Variants in EPM2A observed in about 807,000 individuals in gnomAD.
EPM2A encodes laforin.
EPM2A carries 21 observed loss-of-function variants against 26.5 expected under a neutral mutation model. The observed-to-expected ratio is 0.79, with a 90% CI of 0.56 to 1.14. The LOEUF (loss-of-function observed/expected upper bound fraction) is 1.14, where lower values mean the gene tolerates loss of function less well. Ranked by LOEUF, EPM2A falls within the 50% of genes most tolerant of loss-of-function variation. The pLI is 0.00. For missense variants in EPM2A, 458 were observed against 440.8 expected (o/e 1.04, Z -0.35); for synonymous variants, 217 against 177.6 (o/e 1.22, Z -1.76).
chr6:145,585,707 T>G (rs1182442519), intron 2 of EPM2A, among the ~76,000 whole-genome samples: 1 of 152,190 alleles, frequency 6.6e-6, no homozygotes, highest in African/African-American at 2.4e-5. Flanking sequence ...ATTTTATCTC[T>G]TTGGGTGCCA....
intron 4 of EPM2A, among the ~76,000 whole-genome samples, chr6:145,452,492 A>C (rs1237669197): frequency 1.1e-4 from 1 of 9,272 alleles, no homozygotes. Flanking sequence ...AAAAATACAA[A>C]AAAAAAAAAA....
intron 2 of EPM2A, among the ~76,000 whole-genome samples, chr6:145,675,938 G>T (rs1780001478): frequency 6.6e-6 from 1 of 152,144 alleles, no homozygotes; most frequent in Non-Finnish European, 1.5e-5. Context: ...AGACCTAATA[G>T]ACATCTACAG....
intron 2 of EPM2A, among the ~76,000 whole-genome samples, chr6:145,508,704 C>T (rs903206083): frequency 7.9e-5 from 12 of 152,166 alleles, no homozygotes; most frequent in Non-Finnish European, 1.8e-4. Flanking sequence ...GTTTTTTCAC[C>T]TCCAAAGGAT....
At chr6:145,442,934 C>T (rs1187938652) in intron 4 of EPM2A, among the ~76,000 whole-genome samples, 2 of 151,834 alleles carry the variant, frequency 1.3e-5, no homozygotes, top group South Asian at 4.2e-4. Context: ...CATCTCTGCT[C>T]ACTGCAAGCT....
rs553139522 is a variant in EPM2A at position 145,626,175 on chromosome 6, T to G, written c.*1241A>C. 1.0e-6 allele frequency: 1 copy of G among 1,002,378 alleles called. No individual in the cohort carries two copies. Among genetic ancestry groups the G allele is most frequent in the East Asian group, 1.0e-4 (1 of 9,912 alleles). 62.1% of individuals were successfully genotyped at this position (1,002,378 alleles called of 1,614,324 possible). On this transcript the variant is annotated 3_prime_UTR_variant, in exon 4 of 4. Transcript: ENST00000367519. ...TAGCATATCATTCATGGTCCAATCC[T>G]GCATTACAGTTGGTTGAATGCAGGT... is the stretch of plus-strand genomic sequence containing the variant.
chr6:145,613,306 T>C (rs1775432364), intron 2 of EPM2A, among the ~76,000 whole-genome samples: 1 of 152,220 alleles, frequency 6.6e-6, no homozygotes, highest in Non-Finnish European at 1.5e-5. Flanking sequence ...TTTCCAGTTC[T>C]CTTGCCATTA....
At chr6:145,544,835 T>C (rs1780563399) in intron 2 of EPM2A, among the ~76,000 whole-genome samples, 2 of 152,206 alleles carry the variant, frequency 1.3e-5, no homozygotes, top group Non-Finnish European at 2.9e-5. Context: ...TTTTCCTGTG[T>C]GGGTTCCCAG....
At chr6:145,625,149 T>C (rs1231337673), downstream of EPM2A, among the ~76,000 whole-genome samples, 1 of 152,224 alleles carries the variant, frequency 6.6e-6, no homozygotes, top group East Asian at 1.9e-4. Context: ...ATCATGTAAC[T>C]GCCAATTTTG....
intron 4 of EPM2A, among the ~76,000 whole-genome samples, chr6:145,482,032 T>C (rs1037464950): frequency 6.6e-6 from 1 of 152,172 alleles, no homozygotes; most frequent in Admixed American, 6.6e-5. Context: ...AAAGGCATCA[T>C]AAGAAACTGA....
chr6:145,549,104 C>A (rs1040027633), intron 2 of EPM2A, among the ~76,000 whole-genome samples: 2 of 152,044 alleles, frequency 1.3e-5, no homozygotes, highest in African/African-American at 4.8e-5. Context: ...CAGGAAAATT[C>A]TTCAAAGATA....
chr6:145,728,982 C>T (rs537546545), intron 1 of EPM2A, among the ~76,000 whole-genome samples: 5 of 152,296 alleles, frequency 3.3e-5, no homozygotes, highest in African/African-American at 7.2e-5. Flanking sequence ...GCTTCTCCAC[C>T]TCCAGCCTTG....
Position 145,715,514 on chromosome 6 carries a change from G to T in EPM2A, c.301+19684C>A, listed in dbSNP as rs186137496. On this transcript the variant is annotated intron_variant, in intron 1 of 3. Coordinates refer to ENST00000367519, the MANE Select transcript of EPM2A (RefSeq NM_005670.4). ...GAAAGATGTTATTTGAGGATATGTT[G>T]TACTTTAAATCAGGGGTCCCAACCT... Among the ~76,000 whole-genome samples the T allele has an allele frequency of 2.0e-5, 3 of 152,274 alleles. No homozygotes were observed. In the East Asian group the frequency reaches 5.8e-4, roughly 29 times the overall value.
At chr6:145,424,383 T>C (rs1778826517) in intron 4 of EPM2A, among the ~76,000 whole-genome samples, 1 of 152,212 alleles carries the variant, frequency 6.6e-6, no homozygotes, top group Non-Finnish European at 1.5e-5. Context: ...AATTTTAAAA[T>C]TTATTTTGCC....
At chr6:145,569,715 G>A (rs1186241075) in intron 2 of EPM2A, among the ~76,000 whole-genome samples, 2 of 152,096 alleles carry the variant, frequency 1.3e-5, no homozygotes, top group African/African-American at 4.8e-5. Flanking sequence ...ACTTTATGGT[G>A]TTTGTAAAGT....
At chr6:145,711,313 G>T (rs1394584150) in intron 1 of EPM2A, among the ~76,000 whole-genome samples, 1 of 152,200 alleles carries the variant, frequency 6.6e-6, no homozygotes, top group African/African-American at 2.4e-5. Flanking sequence ...GCAGGAGCTT[G>T]TAATACAGAC....
At chr6:145,683,138 A>C (rs1780659503) in intron 2 of EPM2A, among the ~76,000 whole-genome samples, 1 of 152,046 alleles carries the variant, frequency 6.6e-6, no homozygotes, top group Non-Finnish European at 1.5e-5. Context: ...TTATGCTGGA[A>C]TTTTTAAGGG....
chr6:145,492,442 A>G (rs752804565), intron 4 of EPM2A, among the ~76,000 whole-genome samples: 2 of 152,146 alleles, frequency 1.3e-5, no homozygotes, highest in Non-Finnish European at 2.9e-5. Flanking sequence ...AGATAGCTTA[A>G]CAGCTCAGTG....
rs1002366811 is a variant in EPM2A at position 145,531,713 on chromosome 6, G to A, written c.341-29138C>T. On this transcript the variant is annotated intron_variant, in intron 2 of 3. Coordinates refer to the EPM2A transcript ENST00000450221. ...AGGAACTGACCCTGCAGGACCTACAGCCCTGGATGATGCAGCTTCCTCAGG... is the reference window on the plus strand; with the variant it reads ...AGGAACTGACCCTGCAGGACCTACAACCCTGGATGATGCAGCTTCCTCAGG... Among the ~76,000 whole-genome samples, 4 of 152,248 alleles carry A rather than the reference G, an allele frequency of 2.6e-5. No individual in the cohort carries two copies. In the East Asian group the frequency reaches 7.7e-4, roughly 29 times the overall value.
At chr6:145,606,281 T>G (rs1264735295) in intron 2 of EPM2A, among the ~76,000 whole-genome samples, 1 of 152,078 alleles carries the variant, frequency 6.6e-6, no homozygotes, top group Non-Finnish European at 1.5e-5. Flanking sequence ...TAACTGTTTA[T>G]TTTTCTAGAC....
Sources: allele counts gnomAD v4.1 joint callset (sites outside exome capture counted in the v4.1 genomes callset), GRCh38; gene constraint gnomAD v4.1.1; transcripts MANE v1.5; gene names NCBI Gene and HGNC (gene_info 2026-07-23, HGNC 2026-07-21).